The following CILK1 variants were observed in gnomAD, a reference collection of about 807,000 sequenced individuals.
The protein encoded by CILK1 is serine/threonine-protein kinase ICK.
Under a neutral mutation model 79.2 loss-of-function variants are expected in CILK1, and 47 were observed. The ratio of observed to expected loss-of-function variants is 0.59; its 90% CI spans 0.47 to 0.76. CILK1 has a LOEUF of 0.76. CILK1 is among the 30% of genes least tolerant of loss of function. The pLI, the probability that CILK1 is intolerant of heterozygous loss-of-function variation, is 0.00. For missense variants in CILK1, 660 were observed against 769.5 expected (o/e 0.86, Z 1.68); for synonymous variants, 266 against 275.9 (o/e 0.96, Z 0.36).
chr6:53,052,870 C>G (rs929459806), intron 1 of CILK1, among the ~76,000 whole-genome samples: 8 of 151,840 alleles, frequency 5.3e-5, no homozygotes, highest in African/African-American at 1.9e-4. Context: ...AATGTCCGTA[C>G]CTCTTCAGGC....
chr6:53,016,219 C>T lies in CILK1; in HGVS notation c.695G>A (p.Ser232Asn). 3 of 1,614,082 alleles carry T rather than the reference C, an allele frequency of 1.9e-6. No homozygotes were observed. Among genetic ancestry groups the T allele is most frequent in the South Asian group, 1.1e-5 (1 of 91,082 alleles). ...CTGTGGCCAACGGAAGTTCATTGCACTTGAAAGTTGATAGCCTTCAGGCCA... is the reference window on the plus strand; with the variant it reads ...CTGTGGCCAACGGAAGTTCATTGCATTTGAAAGTTGATAGCCTTCAGGCCA... Reference protein sequence around the residue: ...TDWPEGYQLSSAMNFRWPQCV... With the variant: ...TDWPEGYQLSNAMNFRWPQCV... The change falls in exon 8 of 14, where the codon AGT becomes AAT. Residue 232 changes from serine (S) to asparagine (N), a missense_variant. Ser to Asn is a conservative substitution (Grantham distance 46). Transcript: ENST00000676107.
chr6:53,048,865 A>G (rs1767285021), intron 1 of CILK1, among the ~76,000 whole-genome samples: 1 of 152,226 alleles, frequency 6.6e-6, no homozygotes, highest in Non-Finnish European at 1.5e-5. Context: ...GAGTGGTGCC[A>G]TGGCTCGGAC....
At chr6:53,052,745 A>G (rs1767570179) in intron 1 of CILK1, among the ~76,000 whole-genome samples, 1 of 151,904 alleles carries the variant, frequency 6.6e-6, no homozygotes, top group South Asian at 2.1e-4. Flanking sequence ...AAAAAAATCA[A>G]TAAATAAAAA....
chr6:53,043,493 C>T (rs770347171), intron 1 of CILK1, among the ~76,000 whole-genome samples: 5 of 152,072 alleles, frequency 3.3e-5, no homozygotes, highest in Non-Finnish European at 7.4e-5. Flanking sequence ...CTCTACCCAC[C>T]CTCAGCTCAT....
At chr6:53,021,128 C>G (rs774771295) in intron 5 of CILK1, among the ~76,000 whole-genome samples, 1 of 152,178 alleles carries the variant, frequency 6.6e-6, no homozygotes, top group Non-Finnish European at 1.5e-5. Context: ...TCGAGACCAG[C>G]CTGGCCAATA....
rs200711667 is a variant in CILK1 at position 53,016,204 on chromosome 6, C to T, written c.710G>A (p.Arg237His). ...GYQLSSAMNF[R>H]WPQCVPNNLK... is the part of the protein sequence containing the mutation. ...GTTATTGGGTACACACTGTGGCCAA[C>T]GGAAGTTCATTGCACTTGAAAGTTG... The change falls in exon 8 of 14, where the codon CGT becomes CAT. Residue 237 changes from arginine (R) to histidine (H), a missense_variant. Arg to His is a conservative substitution (Grantham distance 29). Transcript: ENST00000676107. 14 of 1,614,004 alleles carry T rather than the reference C, an allele frequency of 8.7e-6. No homozygotes were observed. The highest frequency in any genetic ancestry group is 3.3e-5 in the South Asian group (3 of 91,084).
intron 1 of CILK1, among the ~76,000 whole-genome samples, chr6:53,043,824 G>GTA (rs1766879391): frequency 7.0e-5 from 1 of 14,326 alleles, no homozygotes; most frequent in African/African-American, 2.9e-4. Flanking sequence ...TCAAGTATGT[G>GTA]GAGGGGAATT....
In CILK1 at chr6:53,014,166, T is replaced by C. The variant is rs1764759246; in HGVS notation, c.832-184A>G. ...TATCTAAGATACCATAAAATATATG[T>C]AATGATTGCAACACAAAGTTATTTA... On this transcript the variant is annotated intron_variant, in intron 8 of 13. Coordinates refer to ENST00000676107, the MANE Select transcript of CILK1 (RefSeq NM_014920.5). Among the ~76,000 whole-genome samples, 2 of 152,246 alleles carry C rather than the reference T, an allele frequency of 1.3e-5. 1 individual carries two copies. The highest frequency in any genetic ancestry group is 4.1e-4 in the South Asian group (2 of 4,830).
At chr6:53,058,112 G>A (rs1768057716) in intron 1 of CILK1, among the ~76,000 whole-genome samples, 2 of 152,292 alleles carry the variant, frequency 1.3e-5, no homozygotes, top group South Asian at 4.1e-4. Flanking sequence ...TACTTAATGT[G>A]CAAAGATAGT....
At position 53,032,537 on chromosome 6, in the gene CILK1, C is replaced by T. The variant is rs762939289; in HGVS notation, c.274G>A (p.Glu92Lys). The change falls in exon 4 of 14, where the codon GAG (glutamate) becomes AAG (lysine). Residue 92 changes from glutamate to lysine, a missense_variant. Glu to Lys is a moderately conservative substitution (Grantham distance 56). Transcript: ENST00000676107. ...ATAATGATGACCAAACTGTACCTCT[C>T]TTTAATGAGCTGGTAAAGATTTTCC... is the stretch of plus-strand genomic sequence containing the variant. ...MKENLYQLIK[E>K]RNKLFPESAI... The T allele has an allele frequency of 6.2e-7, 1 of 1,605,096 alleles. No individual in the cohort carries two copies. Among genetic ancestry groups the T allele is most frequent in the East Asian group, 2.2e-5 (1 of 44,530 alleles).
At chr6:53,060,967 AGT>A (rs1401501555) in intron 1 of CILK1, 2 of 152,352 alleles carry the variant, frequency 1.3e-5, no homozygotes, top group Middle Eastern at 3.4e-3. Context: ...TGTAAAATTC[AGT>A]GTGGAATTCC....
In CILK1 at chr6:53,018,257, T is replaced by C. The variant is rs2127418269; in HGVS notation, c.663+73A>G. ...GGCAGGTGCTCAATCATGCCAGTGC[T>C]GAACAGGGCTGAGCGGAGGAAGCAT... On this transcript the variant is annotated intron_variant, in intron 7 of 13. Coordinates refer to ENST00000676107, the MANE Select transcript of CILK1 (RefSeq NM_014920.5). 2.1e-5 allele frequency: 30 copies of C among 1,440,202 alleles called. No individual in the cohort carries two copies. In the South Asian group the frequency reaches 3.4e-4, roughly 17 times the overall value. 89.2% of individuals were successfully genotyped at this position (1,440,202 alleles called of 1,614,324 possible).
At position 53,004,816 on chromosome 6, in the gene CILK1, G is replaced by C. The variant is rs1484452646; in HGVS notation, c.*333C>G. The C allele has an allele frequency of 1.3e-5, 3 of 222,958 alleles. No homozygotes were observed. Among genetic ancestry groups the C allele is most frequent in the Non-Finnish European group, 2.7e-5 (3 of 111,030 alleles). 13.8% of individuals were successfully genotyped at this position (222,958 alleles called of 1,614,324 possible). On this transcript the variant is annotated 3_prime_UTR_variant, in exon 14 of 14. Coordinates refer to ENST00000676107, the MANE Select transcript of CILK1 (RefSeq NM_014920.5). The stretch of plus-strand genomic sequence containing the variant: ...GAAAATATTATCTGGAACCCCAAAG[G>C]AAAATCAATTAATTTTTAAAAAGTT...
intron 3 of CILK1, among the ~76,000 whole-genome samples, chr6:53,034,674 T>C (rs994834408): frequency 6.6e-6 from 1 of 152,186 alleles, no homozygotes; most frequent in African/African-American, 2.4e-5. Flanking sequence ...GGGCTTAAGA[T>C]GCAGTGCTTG....
intron 2 of CILK1, among the ~76,000 whole-genome samples, chr6:53,040,811 A>C (rs1475841839): frequency 6.6e-6 from 1 of 152,176 alleles, no homozygotes; most frequent in East Asian, 1.9e-4. Flanking sequence ...AGATGGCCCA[A>C]ATGAAGTCAT....
chr6:53,058,565 C>G (rs1021506328), intron 1 of CILK1, among the ~76,000 whole-genome samples: 3 of 152,212 alleles, frequency 2.0e-5, no homozygotes, highest in Admixed American at 6.5e-5. Context: ...CCTCTGTTTG[C>G]GCATTCTCCC....
chr6:53,046,851 GGGA>G (rs2127459536), intron 1 of CILK1, among the ~76,000 whole-genome samples: 1 of 152,294 alleles, frequency 6.6e-6, no homozygotes, highest in East Asian at 1.9e-4. Context: ...ACCAACTCTT[GGGA>G]GGAGGAGAGA....
intron 3 of CILK1, among the ~76,000 whole-genome samples, chr6:53,037,702 A>G (rs949525869): frequency 1.3e-5 from 2 of 152,234 alleles, no homozygotes; most frequent in African/African-American, 4.8e-5. Flanking sequence ...CAACACATTC[A>G]ACTTCTTTAT....
chr6:53,030,974 C>A, intron 5 of CILK1, 91 bp downstream of exon 5: 1 of 876,084 alleles, frequency 1.1e-6, no homozygotes, highest in South Asian at 1.4e-5. Context: ...TTCTGGGAGT[C>A]AGCTACAAAA....
Sources: gnomAD v4.1 joint callset for allele counts (sites outside exome capture counted in the v4.1 genomes callset) on GRCh38, gnomAD v4.1.1 for gene constraint, MANE v1.5 for transcripts, NCBI Gene and HGNC (gene_info 2026-07-23, HGNC 2026-07-21) for gene names.